The following GREB1 variants were observed in gnomAD, a reference collection of about 807,000 sequenced individuals.
GREB1 encodes protein GREB1.
Under a neutral mutation model 200.7 loss-of-function variants are expected in GREB1, and 106 were observed. That is an observed-to-expected ratio of 0.53 (90% confidence interval 0.45 to 0.62). GREB1 has a LOEUF of 0.62. GREB1 is among the 20% of genes least tolerant of loss of function. The pLI is 0.00. For missense variants in GREB1, 2,243 were observed against 2,556.8 expected (o/e 0.88, Z 2.65); for synonymous variants, 1,132 against 1,092.4 (o/e 1.04, Z -0.72).
At chr2:11,614,393 C>G (rs1683209374) in intron 19 of GREB1, among the ~76,000 whole-genome samples, 1 of 152,116 alleles carries the variant, frequency 6.6e-6, no homozygotes, top group Non-Finnish European at 1.5e-5. Flanking sequence ...TCTCAAAGTG[C>G]TGGGATTACA....
rs999828225 is a variant in GREB1 at position 11,633,613 on chromosome 2, A to G, written c.4992-518A>G. ...ATTGTTATTGAAGTATAATGCAGAA[A>G]ATCACACTATCCATTTAGTATAATA... On this transcript the variant is annotated intron_variant, in intron 28 of 32. Coordinates refer to ENST00000381486, the MANE Select transcript of GREB1 (RefSeq NM_014668.4). This position sits in a 1 kb window ranked among gnomAD's most constrained non-coding sequence, Gnocchi z 4.1. Among the ~76,000 whole-genome samples, 18 of 152,134 alleles carry G rather than the reference A, an allele frequency of 1.2e-4. No homozygotes were observed. Among genetic ancestry groups the G allele is most frequent in the Non-Finnish European group, 2.2e-4 (15 of 68,028 alleles).
chr2:11,520,209 T>C lies in GREB1; in HGVS notation c.-158-36248T>C, dbSNP rs796403535. Among the ~76,000 whole-genome samples, 184 of 152,374 alleles carry C rather than the reference T, an allele frequency of 1.2e-3. 2 individuals carry two copies. The highest frequency in any genetic ancestry group is 4.4e-3 in the African/African-American group (181 of 41,596). On this transcript the variant is annotated intron_variant, in intron 1 of 2. Coordinates refer to the GREB1 transcript ENST00000628795. Reference sequence around the variant, plus strand: ...TCAGCCTTGTTTTAAGCTCTTTTTATAGATTAAGCTCATTTCATCTTTATA... The same window carrying C: ...TCAGCCTTGTTTTAAGCTCTTTTTACAGATTAAGCTCATTTCATCTTTATA...
intron 1 of GREB1, among the ~76,000 whole-genome samples, chr2:11,486,306 T>TA (rs571874235): frequency 1.3e-5 from 2 of 152,016 alleles, no homozygotes; most frequent in Admixed American, 6.6e-5. Flanking sequence ...GTAGTACTTT[T>TA]AAAAAAAATT....
At chr2:11,551,730 C>T (rs540931936) in intron 1 of GREB1, among the ~76,000 whole-genome samples, 3 of 152,040 alleles carry the variant, frequency 2.0e-5, no homozygotes, top group Non-Finnish European at 2.9e-5. Flanking sequence ...TAGGATTCAG[C>T]GCTCCCACCG....
chr2:11,623,176 A>G (rs1282635279), intron 23 of GREB1, among the ~76,000 whole-genome samples: 4 of 152,172 alleles, frequency 2.6e-5, no homozygotes, highest in African/African-American at 9.7e-5. Flanking sequence ...GTGATATCGT[A>G]GTCATCGGAA....
At position 11,600,808 on chromosome 2, in the gene GREB1, T is replaced by C; in HGVS notation, c.2342T>C (p.Val781Ala). Residue 781 changes from valine (V) to alanine (A), a missense_variant, in exon 16 of 33, where the codon GTT (valine) becomes GCT (alanine). By Grantham distance (64) the Val-to-Ala change is moderately conservative (BLOSUM62 0). Around this residue, in one of 3 missense-constraint regions of GREB1, gnomAD observed 1,178 missense variants for 1,387.4 expected, o/e 0.85. Coordinates refer to ENST00000381486, the MANE Select transcript of GREB1 (RefSeq NM_014668.4). ...HAHWDLVSST[V>A]HNLYSQSDPS... is the part of the protein sequence containing the mutation. ...GTCTTCTCCTCCCTCAGTAGCACTG[T>C]TCATAACCTCTATTCTCAAAGTGAC... The C allele has an allele frequency of 6.2e-7, 1 of 1,613,540 alleles. No individual in the cohort carries two copies. Among genetic ancestry groups the C allele is most frequent in the Non-Finnish European group, 8.5e-7 (1 of 1,179,414 alleles).
intron 1 of GREB1, among the ~76,000 whole-genome samples, chr2:11,485,275 A>ATATATATATATAT (rs1312218903): frequency 6.0e-5 from 8 of 133,776 alleles, no homozygotes; most frequent in African/African-American, 2.2e-4. Flanking sequence ...ATATATATGT[A>ATATATATATATAT]TTTTTTTTTT....
At chr2:11,551,850 A>G (rs764367240) in intron 1 of GREB1, among the ~76,000 whole-genome samples, 1 of 152,178 alleles carries the variant, frequency 6.6e-6, no homozygotes, top group Non-Finnish European at 1.5e-5. Context: ...TACCAGCCCC[A>G]TTGTAAACCA....
Position 11,637,839 on chromosome 2 carries a change from CTCT to C in GREB1, c.5476_5478del (p.Phe1826del). 1.2e-6 allele frequency: 2 copies of C among 1,614,236 alleles called. No homozygotes were observed. Among genetic ancestry groups the C allele is most frequent in the Non-Finnish European group, 1.7e-6 (2 of 1,180,034 alleles). ...GAAGTTCCTGCAGCACCACAGCCAC[CTCT>C]TCTTCCCGCTGTCCCTGAAGAACCA... On this transcript the variant is annotated inframe_deletion, in exon 31 of 33. Transcript: ENST00000381486.
chr2:11,609,988 A>G (rs1323166118), intron 17 of GREB1, among the ~76,000 whole-genome samples: 1 of 152,184 alleles, frequency 6.6e-6, no homozygotes, highest in Non-Finnish European at 1.5e-5. Context: ...ATCTACAGGG[A>G]CCTGGGCTTT....
Position 11,640,584 on chromosome 2 carries a change from T to A in GREB1, c.*130T>A, listed in dbSNP as rs779231316. ...CCAGGGACTGTCCAGGTGCAGCCCC[T>A]CCTAGTACACATGGGCCCCCGAGGC... On this transcript the variant is annotated 3_prime_UTR_variant, in exon 33 of 33. Transcript: ENST00000381486. The surrounding 1 kb of genome is among the most constrained non-coding windows in gnomAD (Gnocchi z 4.6). 2.3e-5 allele frequency: 24 copies of A among 1,042,718 alleles called. No individual in the cohort carries two copies. The highest frequency in any genetic ancestry group is 3.4e-5 in the Non-Finnish European group (24 of 705,490). 64.6% of individuals were successfully genotyped at this position (1,042,718 alleles called of 1,614,324 possible). A position where few individuals can be genotyped will look rare whatever the true frequency, so the allele number is the denominator to read the frequency against.
intron 7 of GREB1, chr2:11,584,748 A>C (rs1232744735): frequency 6.4e-6 from 1 of 156,872 alleles, no homozygotes; most frequent in African/African-American, 2.4e-5. Context: ...AGACACACAC[A>C]CAACTTTGGA....
chr2:11,483,294 G>A (rs1672557768), intron 1 of GREB1, among the ~76,000 whole-genome samples: 1 of 149,912 alleles, frequency 6.7e-6, no homozygotes, highest in African/African-American at 2.4e-5. Flanking sequence ...GCGTGTGCGT[G>A]CGTGCATGTG....
intron 1 of GREB1, among the ~76,000 whole-genome samples, chr2:11,526,823 G>A (rs534816728): frequency 1.2e-4 from 19 of 152,222 alleles, no homozygotes; most frequent in East Asian, 7.7e-4. Context: ...CTCCCAAAGC[G>A]CTGAGATTAT....
chr2:11,556,154 G>C (rs191774374), intron 1 of GREB1, among the ~76,000 whole-genome samples: 1 of 152,180 alleles, frequency 6.6e-6, no homozygotes, highest in African/African-American at 2.4e-5. Context: ...CTGGGAAGGT[G>C]GGGGAGGCCG....
At chr2:11,567,003 G>A (rs1677740113) in intron 4 of GREB1, among the ~76,000 whole-genome samples, 2 of 151,468 alleles carry the variant, frequency 1.3e-5, no homozygotes, top group African/African-American at 2.5e-5. Flanking sequence ...AGGAGAATGA[G>A]GCCGAGTGTG....
chr2:11,612,128 A>G (rs1682990060), intron 18 of GREB1: 2 of 170,346 alleles, frequency 1.2e-5, no homozygotes, highest in Non-Finnish European at 2.3e-5. Flanking sequence ...CTGGTGGTGG[A>G]GGTTGCAGTG....
In GREB1 at chr2:11,592,922, T is replaced by C; in HGVS notation, c.1492T>C (p.Ser498Pro). Residue 498 changes from serine (S) to proline (P), a missense_variant, in exon 11 of 33, where the codon TCC becomes CCC. By Grantham distance (74) the Ser-to-Pro change is moderately conservative (BLOSUM62 -1). Coordinates refer to ENST00000381486, the MANE Select transcript of GREB1 (RefSeq NM_014668.4). Reference sequence around the variant, plus strand: ...GCCCAGCGCCGCGGCACCCGTGACCTCCGCGCAGCTGCCCTGGCTGGCCAG... The same window carrying C: ...GCCCAGCGCCGCGGCACCCGTGACCCCCGCGCAGCTGCCCTGGCTGGCCAG... ...PAPSAAAPVTSAQLPWLASLA... is the reference protein window; with the variant it reads ...PAPSAAAPVTPAQLPWLASLA... 6.3e-7 allele frequency: 1 copy of C among 1,584,114 alleles called. No homozygotes were observed.
chr2:11,584,952 G>T (rs1679920888), intron 7 of GREB1: 1 of 421,182 alleles, frequency 2.4e-6, no homozygotes, highest in Non-Finnish European at 4.2e-6. Context: ...CTAAGGAGGG[G>T]TGAACCGGTC....
Sources: allele counts gnomAD v4.1 joint callset (sites outside exome capture counted in the v4.1 genomes callset), GRCh38; gene constraint gnomAD v4.1.1; regional missense constraint gnomAD v4.1.1; non-coding constraint Gnocchi (gnomAD v3.1); transcripts MANE v1.5; gene names NCBI Gene and HGNC (gene_info 2026-07-23, HGNC 2026-07-21).